Variants in CDH13 observed in about 807,000 individuals in gnomAD.
CDH13 encodes the protein cadherin-13.
Under a neutral mutation model 63.8 loss-of-function variants are expected in CDH13, and 24 were observed. That is an observed-to-expected ratio of 0.38 (90% confidence interval 0.27 to 0.53). The LOEUF is 0.53. Among genes scored for constraint, CDH13 ranks in the 20% least tolerant of loss-of-function variants. CDH13 has a pLI of 0.85. For synonymous variants in CDH13, 503 were observed against 355.3 expected (o/e 1.42, Z -4.67); for missense variants, 1,049 against 903.1 (o/e 1.16, Z -2.07).
At chr16:83,417,623 G>C (rs1040730867) in intron 6 of CDH13, among the ~76,000 whole-genome samples, 4 of 152,178 alleles carry the variant, frequency 2.6e-5, no homozygotes, top group African/African-American at 4.8e-5. Flanking sequence ...CAGCAGGCAA[G>C]ACAAATATGT....
intron 5 of CDH13, among the ~76,000 whole-genome samples, chr16:83,268,444 T>C (rs2088691823): frequency 6.6e-6 from 1 of 152,210 alleles, no homozygotes; most frequent in Non-Finnish European, 1.5e-5. Flanking sequence ...ACCACATTTT[T>C]TCCAAACCAG....
chr16:82,920,972 T>C (rs1340424888), intron 2 of CDH13, among the ~76,000 whole-genome samples: 1 of 152,244 alleles, frequency 6.6e-6, no homozygotes, highest in East Asian at 1.9e-4. Flanking sequence ...AAATTTTTTT[T>C]CTGCATCTTT....
At chr16:83,633,282 G>A (rs1004755552) in intron 8 of CDH13, among the ~76,000 whole-genome samples, 1 of 152,176 alleles carries the variant, frequency 6.6e-6, no homozygotes, top group African/African-American at 2.4e-5. Flanking sequence ...GCCTCTGACA[G>A]ATACTGCATC....
rs1449887246 is a variant in CDH13 at position 83,200,758 on chromosome 16, C to T, written c.484-16587C>T. On this transcript the variant is annotated intron_variant, in intron 4 of 13. Transcript: ENST00000567109. ...TGCCAAAGCATTTATTGACTCACAGCTACTATGATCTTCTCTTGTTGAGCT... is the reference window on the plus strand; with the variant it reads ...TGCCAAAGCATTTATTGACTCACAGTTACTATGATCTTCTCTTGTTGAGCT... Among the ~76,000 whole-genome samples, 11 of 152,172 alleles carry T rather than the reference C, an allele frequency of 7.2e-5. No homozygotes were observed. In the East Asian group the frequency reaches 2.1e-3, roughly 29 times the overall value.
In CDH13 at chr16:83,539,779, G is replaced by A. The variant is rs573309367; in HGVS notation, c.960+53124G>A. On this transcript the variant is annotated intron_variant, in intron 7 of 13. Transcript: ENST00000567109. ...TACCTTGTCCAAGGTCATGCGAATAGGTTAGACTTATTCACTCTGTGTGGC... is the reference window on the plus strand; with the variant it reads ...TACCTTGTCCAAGGTCATGCGAATAAGTTAGACTTATTCACTCTGTGTGGC... Among the ~76,000 whole-genome samples, 31 of 152,302 alleles carry A rather than the reference G, an allele frequency of 2.0e-4. 1 individual carries two copies. The South Asian group carries it at 3.7e-3, about 18-fold the overall frequency.
intron 6 of CDH13, among the ~76,000 whole-genome samples, chr16:83,368,204 C>G (rs1052340934): frequency 2.0e-5 from 3 of 152,146 alleles, no homozygotes; most frequent in Non-Finnish European, 2.9e-5. Context: ...GCTCAAATCT[C>G]GTAGTAGAGC....
rs552140538 is a variant in CDH13, at chr16:83,783,411, G to T, written c.2073G>T (p.Ala691=). ...GGAATTCCAAAGTGGACTGCAACGC[G>T]GCAGGGGCCCTGCGCTTCAGCCTGC... ...SCRNSKVDCN[A]AGALRFSLPS... is the part of the protein sequence containing the mutation. The change falls in exon 13 of 14, where the codon GCG becomes GCT. Residue 691 remains alanine, a synonymous_variant. Coordinates refer to ENST00000567109, the MANE Select transcript of CDH13 (RefSeq NM_001257.5). 6.2e-7 allele frequency: 1 copy of T among 1,613,990 alleles called. No individual in the cohort carries two copies. The highest frequency in any genetic ancestry group is 1.7e-5 in the Admixed American group (1 of 60,026).
chr16:83,232,517 C>T (rs544689695), intron 5 of CDH13, among the ~76,000 whole-genome samples: 6 of 148,822 alleles, frequency 4.0e-5, no homozygotes, highest in Non-Finnish European at 8.8e-5. Flanking sequence ...CAGCAGGACT[C>T]TGTCTCAAAA....
At chr16:83,277,629 C>T (rs2089033869) in intron 5 of CDH13, among the ~76,000 whole-genome samples, 1 of 152,106 alleles carries the variant, frequency 6.6e-6, no homozygotes, top group Non-Finnish European at 1.5e-5. Flanking sequence ...ATGGAGCTTC[C>T]AGAGGCTTCC....
chr16:82,841,407 A>G (rs6565072), intron 1 of CDH13, among the ~76,000 whole-genome samples: 27,262 of 152,182 alleles, frequency 0.18, 2,792 homozygotes, highest in South Asian at 0.25. Context: ...CTATGGCACT[A>G]TAGACAAACT....
At chr16:83,286,536 G>T (rs1055699924) in intron 5 of CDH13, among the ~76,000 whole-genome samples, 2 of 151,956 alleles carry the variant, frequency 1.3e-5, no homozygotes, top group African/African-American at 2.4e-5. Context: ...CAGACGGATT[G>T]CCTGAGCTCA....
rs992639804 is a variant in CDH13 at position 83,776,434 on chromosome 16, G to A, written c.1682-3534G>A. Among the ~76,000 whole-genome samples the A allele has an allele frequency of 2.6e-5, 4 of 152,198 alleles. No homozygotes were observed. In the South Asian group the frequency reaches 6.2e-4, roughly 24 times the overall value. The stretch of plus-strand genomic sequence containing the variant: ...ATTTCTTTTGAGTTTGCGCTCTAAC[G>A]AAAGTTGATGATATGCCACCATTAG... On this transcript the variant is annotated intron_variant, in intron 11 of 13. Transcript: ENST00000567109.
At chr16:83,709,053 A>G (rs76421473) in intron 10 of CDH13, among the ~76,000 whole-genome samples, 2,881 of 152,280 alleles carry the variant, frequency 0.019, 32 homozygotes, top group Non-Finnish European at 0.029. Context: ...TAAAAATTAA[A>G]TTAAAAAATT....
intron 6 of CDH13, among the ~76,000 whole-genome samples, chr16:83,463,376 G>A (rs559860136): frequency 7.8e-4 from 119 of 152,296 alleles, no homozygotes; most frequent in South Asian, 3.1e-3. Flanking sequence ...CTGGCTGGGG[G>A]CTCGGCTCCA....
At chr16:82,737,682 G>T (rs2033740258) in intron 1 of CDH13, among the ~76,000 whole-genome samples, 1 of 152,140 alleles carries the variant, frequency 6.6e-6, no homozygotes, top group Non-Finnish European at 1.5e-5. Context: ...GATTTGGCCT[G>T]GCAGAACCTG....
intron 10 of CDH13, among the ~76,000 whole-genome samples, chr16:83,685,906 C>G (rs1380306871): frequency 6.6e-6 from 1 of 152,164 alleles, no homozygotes; most frequent in African/African-American, 2.4e-5. Flanking sequence ...GCCCTGCAGA[C>G]ATGGGTTTTG....
rs144111240 is a variant in CDH13, at chr16:83,558,024, G to T, written c.961-44430G>T. Among the ~76,000 whole-genome samples the T allele has an allele frequency of 2.7e-3, 416 of 152,268 alleles. 2 individuals carry two copies. Among genetic ancestry groups the T allele is most frequent in the African/African-American group, 9.4e-3 (389 of 41,554 alleles). ...GGGCATTGAGCACTGGGAAATCAAT[G>T]ATTGTACAGCTTTATATAAAAAGGG... On this transcript the variant is annotated intron_variant, in intron 7 of 13. Coordinates refer to ENST00000567109, the MANE Select transcript of CDH13 (RefSeq NM_001257.5).
intron 2 of CDH13, among the ~76,000 whole-genome samples, chr16:83,029,588 A>T (rs902188863): frequency 6.6e-6 from 1 of 152,220 alleles, no homozygotes; most frequent in Admixed American, 6.5e-5. Context: ...ATCTCGTGGC[A>T]TGTAATGTCG....
chr16:83,746,710 C>CA (rs745440744), intron 10 of CDH13, among the ~76,000 whole-genome samples: 52 of 152,276 alleles, frequency 3.4e-4, no homozygotes, highest in Admixed American at 9.8e-4. Flanking sequence ...GGATGTACTT[C>CA]AAAGATGGGT....
Sources: gnomAD v4.1 joint callset for allele counts (sites outside exome capture counted in the v4.1 genomes callset) on GRCh38, gnomAD v4.1.1 for gene constraint, MANE v1.5 for transcripts, NCBI Gene and HGNC (gene_info 2026-07-23, HGNC 2026-07-21) for gene names.